The following LEPR variants were observed in gnomAD, a reference collection of about 807,000 sequenced individuals.
The protein encoded by LEPR is leptin receptor.
In LEPR, 56 loss-of-function variants were observed where a neutral mutation model predicts 114.7. The ratio of observed to expected loss-of-function variants is 0.49; its 90% CI spans 0.39 to 0.61. The LOEUF (loss-of-function observed/expected upper bound fraction) is 0.61, where lower values mean the gene tolerates loss of function less well. LEPR is among the 20% of genes least tolerant of loss of function. The pLI is 0.00. For synonymous variants in LEPR, 443 were observed against 461.4 expected, an observed-to-expected ratio of 0.96 and a Z score of 0.51; for missense variants, 1,202 against 1,352.9, an observed-to-expected ratio of 0.89 and a Z score of 1.75.
chr1:65,502,003 T>A (rs1312794897), intron 2 of LEPR, among the ~76,000 whole-genome samples: 1 of 152,150 alleles, frequency 6.6e-6, no homozygotes, highest in East Asian at 1.9e-4. Context: ...ACATAATCAG[T>A]GGTCCTCATC....
intron 2 of LEPR, among the ~76,000 whole-genome samples, chr1:65,454,355 T>G (rs1646836363): frequency 6.6e-6 from 1 of 152,188 alleles, no homozygotes; most frequent in Admixed American, 6.5e-5. Context: ...TGCTCGTTAG[T>G]TCATGCAGTT....
intron 2 of LEPR, among the ~76,000 whole-genome samples, chr1:65,564,872 T>C (rs865867468): frequency 3.5e-4 from 54 of 152,318 alleles, no homozygotes; most frequent in Middle Eastern, 3.4e-3. Flanking sequence ...ATTTATGACA[T>C]AGTAGTACAA....
intron 2 of LEPR, among the ~76,000 whole-genome samples, chr1:65,468,613 G>C (rs916491077): frequency 2.0e-5 from 3 of 152,216 alleles, no homozygotes; most frequent in Non-Finnish European, 4.4e-5. Context: ...GATGACATTT[G>C]GTTGGGAGAA....
intron 2 of LEPR, among the ~76,000 whole-genome samples, chr1:65,520,301 C>A (rs1031198228): frequency 1.3e-5 from 2 of 152,162 alleles, no homozygotes; most frequent in Non-Finnish European, 2.9e-5. Flanking sequence ...TGGACTTAAC[C>A]GGTTTGCCCA....
In LEPR at chr1:65,455,939, G is replaced by T. The variant is rs191132255; in HGVS notation, c.-21+30561G>T. On this transcript the variant is annotated intron_variant, in intron 2 of 19. Transcript: ENST00000349533. ...CTGTGCTAGCAATCAGTGAGACTCC[G>T]TGGGCATAGGACCCTCCGAGCCAGG... Among the ~76,000 whole-genome samples the T allele has an allele frequency of 2.0e-5, 3 of 152,248 alleles. 1 individual carries two copies. The East Asian group carries it at 5.8e-4, about 30-fold the overall frequency.
chr1:65,425,120 T>C (rs886205463), intron 1 of LEPR, among the ~76,000 whole-genome samples, 183 bp from the exon 2 acceptor site: 1 of 152,182 alleles, frequency 6.6e-6, no homozygotes, highest in Non-Finnish European at 1.5e-5. Flanking sequence ...AAGTGTAAGA[T>C]TTCATGGTTT....
chr1:65,544,887 T>C lies in LEPR; in HGVS notation c.-20-20659T>C, dbSNP rs1220350382. 4.0e-5 allele frequency among the ~76,000 whole-genome samples: 6 copies of C among 149,696 alleles called. No homozygotes were observed. The South Asian group carries it at 1.3e-3, about 31-fold the overall frequency. ...TAGTTACATATGTATACATGTGCCA[T>C]GCTGGTGTGCTGCACCCATTAACTC... is the stretch of plus-strand genomic sequence containing the variant. On this transcript the variant is annotated intron_variant, in intron 2 of 19. Coordinates refer to ENST00000349533, the MANE Select transcript of LEPR (RefSeq NM_002303.6).
chr1:65,618,402 T>C lies in LEPR; in HGVS notation c.2395+256T>C, dbSNP rs191905563. Among the ~76,000 whole-genome samples the C allele has an allele frequency of 5.0e-3, 764 of 152,294 alleles. 9 individuals are homozygous for C. The highest frequency in any genetic ancestry group is 0.018 in the African/African-American group (742 of 41,566). On this transcript the variant is annotated intron_variant, in intron 16 of 19. Transcript: ENST00000349533. ...GTGCAGTGGAACAAACATGGCTCAC[T>C]GCAGCCTCAACCTTCTGGGCTCAAG... is the stretch of plus-strand genomic sequence containing the variant.
In LEPR at chr1:65,570,720, TAGA is replaced by T; in HGVS notation, c.290_292del (p.Arg97del). 1 of 1,611,828 alleles carries T rather than the reference TAGA, an allele frequency of 6.2e-7. No homozygotes were observed. The highest frequency in any genetic ancestry group is 8.5e-7 in the Non-Finnish European group (1 of 1,178,248). The stretch of plus-strand genomic sequence containing the variant: ...ACTGTTGCTTTCGGAGTGAGCAAGA[TAGA>T]AACTGCTCCTTATGTGCAGACAACA... On this transcript the variant is annotated inframe_deletion, in exon 4 of 20. Coordinates refer to ENST00000349533, the MANE Select transcript of LEPR (RefSeq NM_002303.6).
intron 2 of LEPR, among the ~76,000 whole-genome samples, chr1:65,550,086 C>A (rs1031529284): frequency 6.6e-6 from 1 of 152,140 alleles, no homozygotes; most frequent in East Asian, 1.9e-4. Flanking sequence ...CACTCCAGAC[C>A]CTGTTTGCCT....
chr1:65,464,238 C>A (rs975753497), intron 2 of LEPR, among the ~76,000 whole-genome samples: 1 of 152,100 alleles, frequency 6.6e-6, no homozygotes, highest in East Asian at 1.9e-4. Flanking sequence ...GCATGAAGGG[C>A]GGTTGAATTT....
At chr1:65,434,893 A>C (rs1445465129) in intron 2 of LEPR, 1 of 985,494 alleles carries the variant, frequency 1.0e-6, no homozygotes, top group African/African-American at 1.7e-5. Context: ...CTGAGAAGAA[A>C]GCAGATCACA....
intron 2 of LEPR, among the ~76,000 whole-genome samples, chr1:65,485,586 CTTG>C (rs1647445323): frequency 6.6e-6 from 1 of 152,088 alleles, no homozygotes; most frequent in Non-Finnish European, 1.5e-5. Context: ...TAAATCTTTT[CTTG>C]TTGTCACATG....
At chr1:65,573,206 G>A (rs1654331213) in intron 5 of LEPR, among the ~76,000 whole-genome samples, 1 of 152,182 alleles carries the variant, frequency 6.6e-6, no homozygotes, top group Non-Finnish European at 1.5e-5. Flanking sequence ...ATAACAGATG[G>A]AGTTATATGC....
At chr1:65,635,289 C>T (rs569053880) in intron 19 of LEPR, 60 of 978,902 alleles carry the variant, frequency 6.1e-5, no homozygotes, top group Non-Finnish European at 7.2e-5. Flanking sequence ...GTATCAACAG[C>T]TTTTTTTATT....
chr1:65,534,000 C>A (rs1426521081), intron 2 of LEPR, among the ~76,000 whole-genome samples: 2 of 151,952 alleles, frequency 1.3e-5, no homozygotes, highest in Non-Finnish European at 2.9e-5. Context: ...TGCATTCAAC[C>A]TTTCTATATT....
chr1:65,526,353 A>G, intron 2 of LEPR: 1 of 985,406 alleles, frequency 1.0e-6, no homozygotes, highest in Non-Finnish European at 1.2e-6. Context: ...CAAAACCCCA[A>G]ACCCAATCCT....
intron 2 of LEPR, among the ~76,000 whole-genome samples, chr1:65,478,676 T>C (rs1202310471): frequency 6.6e-6 from 1 of 152,154 alleles, no homozygotes; most frequent in Non-Finnish European, 1.5e-5. Flanking sequence ...AGCTCAGTTG[T>C]ATGGAAGGAG....
chr1:65,464,026 C>T (rs577309493), intron 2 of LEPR, among the ~76,000 whole-genome samples: 4 of 152,006 alleles, frequency 2.6e-5, no homozygotes, highest in South Asian at 2.1e-4. Flanking sequence ...TTCTTTCTCT[C>T]GCTTGATTGC....
Sources: gnomAD v4.1 joint callset for allele counts (sites outside exome capture counted in the v4.1 genomes callset) on GRCh38, gnomAD v4.1.1 for gene constraint, MANE v1.5 for transcripts, NCBI Gene and HGNC (gene_info 2026-07-23, HGNC 2026-07-21) for gene names.